The following NAV1 variants were observed in gnomAD, a reference collection of about 807,000 sequenced individuals.
NAV1 encodes neuron navigator 1, also known as pore membrane and/or filament interacting like protein 3.
Under a neutral mutation model 175.2 loss-of-function variants are expected in NAV1, and 18 were observed. The observed-to-expected ratio is 0.10, with a 90% CI of 0.07 to 0.15. The LOEUF is 0.15. Ranked by LOEUF, NAV1 falls within the 10% of genes least tolerant of loss-of-function variation. The pLI, the probability that NAV1 is intolerant of heterozygous loss-of-function variation, is 1.00. For synonymous variants in NAV1, 897 were observed against 978.7 expected (o/e 0.92, Z 1.56); for missense variants, 1,731 against 2,436.6 (o/e 0.71, Z 6.10).
chr1:201,693,600 G>A (rs557488699), intron 1 of NAV1, among the ~76,000 whole-genome samples: 1 of 152,310 alleles, frequency 6.6e-6, no homozygotes, highest in African/African-American at 2.4e-5. Flanking sequence ...AGAGCTTGAA[G>A]GGGAGTGATC....
intron 2 of NAV1, among the ~76,000 whole-genome samples, chr1:201,593,824 TC>T (rs1183315855): frequency 6.6e-6 from 1 of 152,198 alleles, no homozygotes; most frequent in Non-Finnish European, 1.5e-5. Context: ...TTCAGTACTA[TC>T]CCTTCTGCTT....
rs1676390977 is a variant in NAV1, at chr1:201,782,480, G to A, written c.1968G>A (p.Glu656=). The change falls in exon 6 of 30, where the codon GAG becomes GAA. Residue 656 remains glutamate (E), a synonymous_variant. Transcript: ENST00000367296. The surrounding 1 kb of genome is among the most constrained non-coding windows in gnomAD (Gnocchi z 5.4). ...GCTTAGATGTTTCCAACAGTGCAGA[G>A]CCAGGATTCCTGGCTCCTGGAGCCC... 3 of 1,613,618 alleles carry A rather than the reference G, an allele frequency of 1.9e-6. No homozygotes were observed. The East Asian group carries it at 6.7e-5, about 36-fold the overall frequency.
At chr1:201,765,563 T>G (rs1162666558) in intron 3 of NAV1, among the ~76,000 whole-genome samples, 1 of 151,848 alleles carries the variant, frequency 6.6e-6, no homozygotes, top group Non-Finnish European at 1.5e-5. Context: ...CCTAGCTAAT[T>G]TTTTGTATTT....
chr1:201,707,983 A>G (rs1040839747), intron 1 of NAV1, among the ~76,000 whole-genome samples: 1 of 152,186 alleles, frequency 6.6e-6, no homozygotes, highest in Non-Finnish European at 1.5e-5. Flanking sequence ...GCTCAAATTA[A>G]ATAACATGGA....
chr1:201,734,477 G>GAAGA (rs1558109027), intron 3 of NAV1, among the ~76,000 whole-genome samples: 2 of 139,274 alleles, frequency 1.4e-5, no homozygotes, highest in Non-Finnish European at 3.1e-5. Flanking sequence ...GGAAGAGGAG[G>GAAGA]AGGAGGAGGA....
At chr1:201,759,859 C>T (rs1674732200) in intron 3 of NAV1, among the ~76,000 whole-genome samples, 1 of 152,136 alleles carries the variant, frequency 6.6e-6, no homozygotes, top group Admixed American at 6.5e-5. Flanking sequence ...TATCAGGGTG[C>T]TAGTTGAGGG....
chr1:201,803,778 T>C (rs1678096994), intron 16 of NAV1, 64 bp downstream of exon 20: 2 of 1,572,944 alleles, frequency 1.3e-6, no homozygotes, highest in African/African-American at 1.4e-5. Flanking sequence ...CACCTCAGCA[T>C]AGGGATCGAA....
At chr1:201,582,864 C>T (rs1666906408) in intron 1 of NAV1, among the ~76,000 whole-genome samples, 3 of 152,262 alleles carry the variant, frequency 2.0e-5, no homozygotes, top group African/African-American at 7.2e-5. Context: ...AGGTCTATTA[C>T]ACCCTTCAAC....
chr1:201,712,954 G>A, intron 2 of NAV1, 35 bp downstream of exon 6: 1 of 1,501,634 alleles, frequency 6.7e-7, no homozygotes, highest in Non-Finnish European at 9.3e-7. Context: ...CATGCCCTCT[G>A]CCTTCCTGGC....
chr1:201,687,953 T>C (rs1670748403), intron 1 of NAV1, among the ~76,000 whole-genome samples: 1 of 152,250 alleles, frequency 6.6e-6, no homozygotes, highest in Non-Finnish European at 1.5e-5. Context: ...CTGCTGTATG[T>C]AATTAACGAG....
chr1:201,752,255 C>G (rs1674163555), intron 3 of NAV1, among the ~76,000 whole-genome samples: 1 of 152,190 alleles, frequency 6.6e-6, no homozygotes, highest in Non-Finnish European at 1.5e-5. Context: ...CTGATCCCCC[C>G]CATGGTGAGG....
At chr1:201,756,820 C>CTTTCTT (rs757683788) in intron 3 of NAV1, among the ~76,000 whole-genome samples, 7,718 of 29,062 alleles carry the variant, frequency 0.27, 624 homozygotes, top group South Asian at 0.38. Context: ...TTCTTTCTTT[C>CTTTCTT]TTTCTTTCTT....
In NAV1 at chr1:201,794,458, T is replaced by C; in HGVS notation, c.3406-8T>C. ...GCCCAGCCAACGCTATTTTCATTTC[T>C]CTCTTAGGACACTGAGCTGCTGGAT... On this transcript the variant is annotated splice_polypyrimidine_tract_variant and splice_region_variant and intron_variant, in intron 14 of 29. Transcript: ENST00000367296. 1 of 1,609,810 alleles carries C rather than the reference T, an allele frequency of 6.2e-7. No homozygotes were observed. The highest frequency in any genetic ancestry group is 8.5e-7 in the Non-Finnish European group (1 of 1,178,514).
intron 1 of NAV1, among the ~76,000 whole-genome samples, chr1:201,542,413 C>A (rs1434866232): frequency 6.6e-6 from 1 of 152,104 alleles, no homozygotes; most frequent in Non-Finnish European, 1.5e-5. Context: ...TAGTCACACA[C>A]AAAAAATAAT....
At chr1:201,744,662 T>C (rs942579123) in intron 3 of NAV1, among the ~76,000 whole-genome samples, 4 of 152,092 alleles carry the variant, frequency 2.6e-5, no homozygotes, top group African/African-American at 9.7e-5. Flanking sequence ...ATACTTTGAG[T>C]GGTCCTGGAG....
intron 1 of NAV1, among the ~76,000 whole-genome samples, chr1:201,680,639 T>C (rs1280104803): frequency 6.6e-6 from 1 of 152,178 alleles, no homozygotes; most frequent in Admixed American, 6.5e-5. Context: ...GCCCCATGAC[T>C]CAAACCCCTC....
chr1:201,627,492 C>G (rs1422167126), intron 1 of NAV1, among the ~76,000 whole-genome samples: 1 of 151,764 alleles, frequency 6.6e-6, no homozygotes, highest in Non-Finnish European at 1.5e-5. Context: ...AGGCTGGTCT[C>G]AAACTCCTGA....
chr1:201,675,813 A>G (rs1386229571), intron 1 of NAV1, among the ~76,000 whole-genome samples: 2 of 152,172 alleles, frequency 1.3e-5, no homozygotes, highest in Admixed American at 1.3e-4. Flanking sequence ...GCCTATCTGG[A>G]ACCATTTTCT....
intron 1 of NAV1, among the ~76,000 whole-genome samples, chr1:201,552,750 C>T (rs60882263): frequency 0.028 from 4,189 of 152,208 alleles, 190 homozygotes; most frequent in African/African-American, 0.094. Flanking sequence ...AATCCTTGAT[C>T]CACCGAACGT....
Sources: gnomAD v4.1 joint callset for allele counts (sites outside exome capture counted in the v4.1 genomes callset) on GRCh38, gnomAD v4.1.1 for gene constraint, Gnocchi (gnomAD v3.1) non-coding constraint, MANE v1.5 for transcripts, NCBI Gene and HGNC (gene_info 2026-07-23, HGNC 2026-07-21) for gene names.